NAA16: variants seen among roughly 807,000 people sequenced by gnomAD.
NAA16 encodes the protein N-alpha-acetyltransferase 16, NatA auxiliary subunit.
A neutral mutation model predicts 110.3 loss-of-function variants in NAA16; 97 were observed. The observed-to-expected ratio is 0.88, with a 90% CI of 0.75 to 1.04. The LOEUF (loss-of-function observed/expected upper bound fraction) is 1.04. NAA16 is among the 50% of genes least tolerant of loss of function. The pLI, the probability that NAA16 is intolerant of heterozygous loss-of-function variation, is 0.00. For synonymous variants in NAA16, 372 were observed against 330.6 expected, an observed-to-expected ratio of 1.13 and a Z score of -1.36; for missense variants, 1,017 against 1,005.1, an observed-to-expected ratio of 1.01 and a Z score of -0.16.
chr13:41,321,700 C>T (rs2041950636), intron 4 of NAA16, among the ~76,000 whole-genome samples: 1 of 152,212 alleles, frequency 6.6e-6, no homozygotes, highest in African/African-American at 2.4e-5. Flanking sequence ...ATCTTCAACT[C>T]TCTCCTGGAC....
rs189293780 is a variant in NAA16 at position 41,337,357 on chromosome 13, C to T, written c.1014+601C>T. Among the ~76,000 whole-genome samples the T allele has an allele frequency of 2.9e-3, 441 of 152,102 alleles. 3 individuals carry two copies. The highest frequency in any genetic ancestry group is 0.015 in the South Asian group (72 of 4,816). On this transcript the variant is annotated intron_variant, in intron 9 of 19. Coordinates refer to ENST00000379406, the MANE Select transcript of NAA16 (RefSeq NM_024561.5). ...AGGAAATTGAGACTATCCTGGCGAA[C>T]ACGGTGAAACCCCATCTCTAGTAAG...
At chr13:41,332,281 C>T (rs746254760) in intron 8 of NAA16, among the ~76,000 whole-genome samples, 1 of 152,212 alleles carries the variant, frequency 6.6e-6, no homozygotes. Flanking sequence ...GAGTTAACCA[C>T]TTTCCCGAGT....
At chr13:41,338,539 AC>A (rs1773911911) in intron 9 of NAA16, among the ~76,000 whole-genome samples, 1 of 152,230 alleles carries the variant, frequency 6.6e-6, no homozygotes, top group Admixed American at 6.5e-5. Flanking sequence ...ATGCCAGAAC[AC>A]CAAGTGTGTT....
intron 5 of NAA16, among the ~76,000 whole-genome samples, chr13:41,325,429 G>A (rs1359797963): frequency 6.7e-6 from 1 of 149,512 alleles, no homozygotes; most frequent in East Asian, 1.9e-4. Flanking sequence ...TTTTTTTTTT[G>A]TAGATTCTAT....
chr13:41,350,792 T>A (rs1458447740), intron 9 of NAA16, among the ~76,000 whole-genome samples: 2 of 151,950 alleles, frequency 1.3e-5, no homozygotes. Context: ...AGCTAACTTT[T>A]GTTGTATTTT....
intron 13 of NAA16, chr13:41,362,944 C>A (rs2043142635): frequency 1.8e-6 from 2 of 1,102,954 alleles, no homozygotes; most frequent in Non-Finnish European, 2.3e-6. Flanking sequence ...AGATTACCCA[C>A]AAGGAAGGCT....
At chr13:41,311,639 G>A in intron 1 of NAA16, 57 bp downstream of exon 1, 1 of 1,536,222 alleles carries the variant, frequency 6.5e-7, no homozygotes, top group Non-Finnish European at 8.8e-7. Context: ...CGGGCCTTAA[G>A]GGCAAGCGGT....
intron 15 of NAA16, among the ~76,000 whole-genome samples, chr13:41,371,676 C>T (rs1298705740): frequency 1.3e-5 from 2 of 152,148 alleles, no homozygotes; most frequent in African/African-American, 2.4e-5. Flanking sequence ...ATCAGCTGTT[C>T]ATGTTATTGG....
At chr13:41,364,005 T>C (rs1302501089) in intron 13 of NAA16, among the ~76,000 whole-genome samples, 1 of 152,120 alleles carries the variant, frequency 6.6e-6, no homozygotes, top group Non-Finnish European at 1.5e-5. Context: ...ATGGAATGAT[T>C]AATGCTTCTT....
At chr13:41,312,163 T>C (rs988920758) in intron 1 of NAA16, among the ~76,000 whole-genome samples, 4 of 152,216 alleles carry the variant, frequency 2.6e-5, no homozygotes, top group African/African-American at 9.7e-5. Flanking sequence ...GTTTGTAATG[T>C]ACCTTATTTA....
chr13:41,372,828 C>G lies in NAA16; in HGVS notation c.2153C>G (p.Ser718Cys), dbSNP rs1368342644. 1 of 1,571,690 alleles carries G rather than the reference C, an allele frequency of 6.4e-7. No homozygotes were observed. Among genetic ancestry groups the G allele is most frequent in the East Asian group, 2.3e-5 (1 of 43,772 alleles). The change falls in exon 17 of 20, where the codon TCT becomes TGT. Residue 718 changes from serine to cysteine, a missense_variant and splice_region_variant. Physicochemically the swap from Ser to Cys is moderately radical, Grantham distance 112. Coordinates refer to ENST00000379406, the MANE Select transcript of NAA16 (RefSeq NM_024561.5). Reference sequence around the variant, plus strand: ...GAATGTTTAATTAGATTTTCTAAATCTGGTAAGTATAAAAAAGGACCATAT... The same window carrying G: ...GAATGTTTAATTAGATTTTCTAAATGTGGTAAGTATAAAAAAGGACCATAT... The part of the protein sequence containing the change: ...LHECLIRFSK[S>C]VSNHSNLPDI...
intron 1 of NAA16, among the ~76,000 whole-genome samples, chr13:41,312,560 A>G (rs1256508926): frequency 6.6e-6 from 1 of 152,222 alleles, no homozygotes; most frequent in Non-Finnish European, 1.5e-5. Flanking sequence ...TTCACCTGAA[A>G]AAAAGCTTTT....
At position 41,372,900 on chromosome 13, in the gene NAA16, G is replaced by A. The variant is rs2043350737; in HGVS notation, c.2155+70G>A. The stretch of plus-strand genomic sequence containing the variant: ...AAGGGGAGGAGGTTGTTAAATCTCT[G>A]TTGATCTGATAAATATTTAATAACC... On this transcript the variant is annotated intron_variant, in intron 17 of 19. Transcript: ENST00000379406. 13 of 1,346,920 alleles carry A rather than the reference G, an allele frequency of 9.7e-6. No individual in the cohort carries two copies. The South Asian group carries it at 1.1e-4, about 12-fold the overall frequency. The allele number at this position is 1,346,920 out of a possible 1,614,324, so 83.4% of individuals were successfully genotyped here.
rs935974247 is a variant in NAA16 at position 41,316,919 on chromosome 13, C to G, written c.128C>G (p.Ala43Gly). ...ATGATTCTGTCGAACCCAAAATTTG[C>G]TGAACATGGAGGTATTGTCTCATGT... ...CKMILSNPKF[A>G]EHGETLAMKG... is the part of the protein sequence containing the mutation. The change falls in exon 2 of 20, where the codon GCT becomes GGT. Residue 43 changes from alanine to glycine, a missense_variant. Ala to Gly is a moderately conservative substitution (Grantham distance 60, BLOSUM62 0). Transcript: ENST00000379406. 2 of 1,611,664 alleles carry G rather than the reference C, an allele frequency of 1.2e-6. No individual in the cohort carries two copies. The highest frequency in any genetic ancestry group is 2.7e-5 in the African/African-American group (2 of 74,840).
chr13:41,362,768 C>T (rs770439907), intron 13 of NAA16: 21 of 1,289,660 alleles, frequency 1.6e-5, no homozygotes, highest in Admixed American at 1.1e-4. Flanking sequence ...GGAAAAGAGC[C>T]GCAAATGCAC....
chr13:41,358,961 G>A lies in NAA16; in HGVS notation c.1409G>A (p.Arg470Lys). 2 of 1,600,418 alleles carry A rather than the reference G, an allele frequency of 1.2e-6. No homozygotes were observed. Among genetic ancestry groups the A allele is most frequent in the Non-Finnish European group, 1.7e-6 (2 of 1,170,490 alleles). ...GAGGAAATGTGCTCCAAGTTCACAA[G>A]GGTAGGAAATAGCATGCATGAGCAT... ...EAEEMCSKFTREGTSAMENLN... is the reference protein window; with the variant it reads ...EAEEMCSKFTKEGTSAMENLN... The change falls in exon 12 of 20, where the codon AGG (arginine) becomes AAG (lysine). Residue 470 changes from arginine to lysine, a missense_variant and splice_region_variant. By Grantham distance (26) the Arg-to-Lys change is conservative. Coordinates refer to ENST00000379406, the MANE Select transcript of NAA16 (RefSeq NM_024561.5).
chr13:41,332,023 A>G (rs145544175), intron 8 of NAA16, among the ~76,000 whole-genome samples: 136 of 152,230 alleles, frequency 8.9e-4, no homozygotes, highest in African/African-American at 3.2e-3. Context: ...TATATGTGGT[A>G]TCATGATTTG....
chr13:41,328,085 G>C (rs1009537315), intron 6 of NAA16: 1 of 151,954 alleles, frequency 6.6e-6, no homozygotes, highest in Non-Finnish European at 1.5e-5. Context: ...CCTTTATCTT[G>C]GATTAGGTGT....
chr13:41,317,118 A>G (rs2041830341), intron 2 of NAA16, among the ~76,000 whole-genome samples, 188 bp downstream of exon 2: 2 of 152,120 alleles, frequency 1.3e-5, no homozygotes, highest in African/African-American at 4.8e-5. Context: ...AAGTATGTAT[A>G]CTTAAGGATA....
Sources: allele counts gnomAD v4.1 joint callset (sites outside exome capture counted in the v4.1 genomes callset), GRCh38; gene constraint gnomAD v4.1.1; transcripts MANE v1.5; gene names NCBI Gene and HGNC (gene_info 2026-07-23, HGNC 2026-07-21).